The following STK24 variants were observed in gnomAD, a reference collection of about 807,000 sequenced individuals.
STK24 encodes serine/threonine kinase 24.
In STK24, 21 loss-of-function variants were observed where a neutral mutation model predicts 55.6. The ratio of observed to expected loss-of-function variants is 0.38; its 90% CI spans 0.27 to 0.54. The LOEUF (loss-of-function observed/expected upper bound fraction) is 0.54. Ranked by LOEUF, STK24 falls within the 20% of genes least tolerant of loss-of-function variation. The probability of loss-of-function intolerance (pLI) is 0.79; values close to 1 mark genes in which losing one functional copy is unlikely to be tolerated. For synonymous variants in STK24, 200 were observed against 215.2 expected, an observed-to-expected ratio of 0.93 and a Z score of 0.62; for missense variants, 383 against 538.4, an observed-to-expected ratio of 0.71 and a Z score of 2.86.
intron 1 of STK24, among the ~76,000 whole-genome samples, chr13:98,550,564 C>G (rs573790849): frequency 4.6e-5 from 7 of 152,162 alleles, no homozygotes; most frequent in Non-Finnish European, 7.4e-5. Context: ...TGGCCTCTTT[C>G]TTGTAGTTTT....
chr13:98,565,887 A>G (rs1212708086), intron 1 of STK24, among the ~76,000 whole-genome samples: 1 of 152,254 alleles, frequency 6.6e-6, no homozygotes, highest in East Asian at 1.9e-4. Flanking sequence ...GCCAGTTAAA[A>G]ATAATCCAGG....
intron 2 of STK24, among the ~76,000 whole-genome samples, chr13:98,496,725 G>A (rs915333111): frequency 6.6e-6 from 1 of 152,296 alleles, no homozygotes; most frequent in African/African-American, 2.4e-5. Context: ...TATTATATTT[G>A]CACCACTTAA....
At chr13:98,453,449 C>T in intron 10 of STK24, 1 of 521,642 alleles carries the variant, frequency 1.9e-6, no homozygotes, top group Non-Finnish European at 3.4e-6. Flanking sequence ...GGTTCAGCCT[C>T]CCTGGAGAGA....
intron 1 of STK24, among the ~76,000 whole-genome samples, chr13:98,554,640 G>C (rs1459498542): frequency 6.6e-6 from 1 of 152,142 alleles, no homozygotes; most frequent in African/African-American, 2.4e-5. Context: ...GCCTGAGCAA[G>C]GTAAGACTCC....
chr13:98,515,101 G>GAAA (rs5806066), intron 2 of STK24, among the ~76,000 whole-genome samples: 1 of 128,468 alleles, frequency 7.8e-6, no homozygotes, highest in African/African-American at 2.9e-5. Context: ...CAAACCCCCT[G>GAAA]AAAAAAAAAA....
chr13:98,555,031 A>AAAAAAAAAG (rs1555312204), intron 1 of STK24, among the ~76,000 whole-genome samples: 6 of 143,580 alleles, frequency 4.2e-5, no homozygotes, highest in East Asian at 2.0e-4. Context: ...AAAAAAAAAA[A>AAAAAAAAAG]AAAGAAAGAA....
At chr13:98,548,091 T>C (rs1897071640) in intron 1 of STK24, among the ~76,000 whole-genome samples, 1 of 152,170 alleles carries the variant, frequency 6.6e-6, no homozygotes. Flanking sequence ...GCCAGGTGCA[T>C]GTGGCTTCAA....
At chr13:98,555,580 A>G (rs756386557) in intron 1 of STK24, among the ~76,000 whole-genome samples, 13 of 152,008 alleles carry the variant, frequency 8.6e-5, no homozygotes, top group South Asian at 6.3e-4. Flanking sequence ...CTCCGTCTCA[A>G]TAAAAAAAAT....
rs1893198570 is a variant in STK24, at chr13:98,451,658, G to A, written c.*1515C>T. 1 of 152,254 alleles carries A rather than the reference G, an allele frequency of 6.6e-6. No individual in the cohort carries two copies. The highest frequency in any genetic ancestry group is 1.9e-4 in the East Asian group (1 of 5,172). 9.4% of individuals were successfully genotyped at this position (152,254 alleles called of 1,614,324 possible). A position where few individuals can be genotyped will look rare whatever the true frequency, so the allele number is the denominator to read the frequency against. ...CCCAAGCTCACCCACTAACTTCCTT[G>A]CTTCCAAAAATCCTGTCTTAACTCC... is the stretch of plus-strand genomic sequence containing the variant. On this transcript the variant is annotated 3_prime_UTR_variant, in exon 11 of 11. Transcript: ENST00000539966.
In STK24 at chr13:98,536,683, C is replaced by T. The variant is rs1260334313; in HGVS notation, c.43-17210G>A. On this transcript the variant is annotated intron_variant, in intron 1 of 10. Transcript: ENST00000539966. ...CTGCCCTTCTCTCCATTTTTAAAAGCTCATGAGCTGATAAAAGCCGGCCTC... is the reference window on the plus strand; with the variant it reads ...CTGCCCTTCTCTCCATTTTTAAAAGTTCATGAGCTGATAAAAGCCGGCCTC... Among the ~76,000 whole-genome samples the T allele has an allele frequency of 3.9e-5, 6 of 152,254 alleles. No individual in the cohort carries two copies. The East Asian group carries it at 9.7e-4, about 25-fold the overall frequency.
chr13:98,510,567 T>C (rs1310992353), intron 2 of STK24, among the ~76,000 whole-genome samples: 2 of 152,178 alleles, frequency 1.3e-5, no homozygotes, highest in African/African-American at 4.8e-5. Context: ...GTGTGGTCTA[T>C]CCACAGAATG....
rs1395375209 is a variant in STK24 at position 98,576,687 on chromosome 13, C to G, written c.42+58G>C. The G allele has an allele frequency of 3.6e-6, 5 of 1,403,974 alleles. No homozygotes were observed. In the African/African-American group the frequency reaches 7.5e-5, roughly 21 times the overall value. 87.0% of individuals were successfully genotyped at this position (1,403,974 alleles called of 1,614,324 possible). On this transcript the variant is annotated intron_variant, in intron 1 of 10. Coordinates refer to ENST00000539966, the MANE Select transcript of STK24 (RefSeq NM_001032296.4). Reference sequence around the variant, plus strand: ...TAGGGGGACGCCGTGTGGATACCGCCAAGTTGCTGCTTCCGCCCCGGTCGC... The same window carrying G: ...TAGGGGGACGCCGTGTGGATACCGCGAAGTTGCTGCTTCCGCCCCGGTCGC...
At chr13:98,546,962 A>C (rs920955569) in intron 1 of STK24, among the ~76,000 whole-genome samples, 5 of 151,920 alleles carry the variant, frequency 3.3e-5, no homozygotes, top group African/African-American at 1.2e-4. Flanking sequence ...CCCAGGATGG[A>C]GTGCAATGGC....
chr13:98,490,929 G>A (rs1895006223), intron 2 of STK24, among the ~76,000 whole-genome samples: 1 of 152,084 alleles, frequency 6.6e-6, no homozygotes, highest in Non-Finnish European at 1.5e-5. Flanking sequence ...TGAAGGAGAG[G>A]CTAGATGGAG....
intron 2 of STK24, among the ~76,000 whole-genome samples, chr13:98,514,576 T>G (rs896613047): frequency 2.6e-5 from 4 of 152,222 alleles, no homozygotes; most frequent in African/African-American, 9.6e-5. Context: ...TAGGAACTGA[T>G]GAAAACTTGT....
intron 2 of STK24, among the ~76,000 whole-genome samples, chr13:98,510,194 G>A (rs376017604): frequency 1.1e-4 from 17 of 152,338 alleles, no homozygotes; most frequent in African/African-American, 4.1e-4. Context: ...AGTCAGACAA[G>A]ACCCACAGGG....
chr13:98,574,241 G>T (rs1174853250), intron 1 of STK24, among the ~76,000 whole-genome samples: 1 of 152,152 alleles, frequency 6.6e-6, no homozygotes, highest in East Asian at 1.9e-4. Context: ...TCGATCTCCT[G>T]ACCTCATGAT....
intron 1 of STK24, among the ~76,000 whole-genome samples, chr13:98,535,810 G>A (rs1896715183): frequency 6.6e-6 from 1 of 152,180 alleles, no homozygotes; most frequent in South Asian, 2.1e-4. Flanking sequence ...CAGGGTGCCT[G>A]ACTCCAGAGG....
intron 2 of STK24, among the ~76,000 whole-genome samples, chr13:98,515,521 GT>G (rs1357627216): frequency 1.3e-5 from 2 of 151,102 alleles, no homozygotes; most frequent in African/African-American, 4.9e-5. Flanking sequence ...TATTGGGGGG[GT>G]GGGGGGATTC....
Sources: allele counts gnomAD v4.1 joint callset (sites outside exome capture counted in the v4.1 genomes callset), GRCh38; gene constraint gnomAD v4.1.1; transcripts MANE v1.5; gene names NCBI Gene and HGNC (gene_info 2026-07-23, HGNC 2026-07-21).